Variants in MFN1 observed in about 807,000 individuals in gnomAD.
The protein encoded by MFN1 is mitofusin-1.
In MFN1, 65 loss-of-function variants were observed where a neutral mutation model predicts 92.4. The observed-to-expected ratio is 0.70, with a 90% CI of 0.58 to 0.86. MFN1 has a LOEUF of 0.86. Among genes scored for constraint, MFN1 ranks in the 40% least tolerant of loss-of-function variants. MFN1 has a pLI of 0.00. For missense variants in MFN1, 781 were observed against 868.0 expected (o/e 0.90, Z 1.26); for synonymous variants, 297 against 300.9 (o/e 0.99, Z 0.13).
chr3:179,366,456 TATAA>T (rs1712799350), intron 7 of MFN1, among the ~76,000 whole-genome samples: 1 of 152,084 alleles, frequency 6.6e-6, no homozygotes, highest in Non-Finnish European at 1.5e-5. Flanking sequence ...GAATTTGAAC[TATAA>T]ATAATATTTA....
chr3:179,390,409 T>C (rs530803317), intron 17 of MFN1, among the ~76,000 whole-genome samples: 1 of 152,276 alleles, frequency 6.6e-6, no homozygotes, highest in Non-Finnish European at 1.5e-5. Flanking sequence ...TAGATCGAAA[T>C]TTACTCTTCA....
Position 179,392,224 on chromosome 3 carries a change from T to G in MFN1, c.*165T>G. The G allele has an allele frequency of 2.0e-6, 1 of 490,514 alleles. No individual in the cohort carries two copies. The highest frequency in any genetic ancestry group is 3.7e-6 in the Non-Finnish European group (1 of 272,332). 30.4% of individuals were successfully genotyped at this position (490,514 alleles called of 1,614,324 possible). A position where few individuals can be genotyped will look rare whatever the true frequency, so the allele number is the denominator to read the frequency against. On this transcript the variant is annotated 3_prime_UTR_variant, in exon 18 of 18. Transcript: ENST00000471841. ...AATGATCTGTCTCAGGGTATGTGTA[T>G]TTTTGAAGAGTGTTATGTCCTTAGT... is the stretch of plus-strand genomic sequence containing the variant.
chr3:179,353,054 A>ATT lies in MFN1; in HGVS notation c.248+1019_248+1020insTT, dbSNP rs1209044534. Among the ~76,000 whole-genome samples the ATT allele has an allele frequency of 4.7e-4, 58 of 124,372 alleles. 3 individuals are homozygous for ATT. The highest frequency in any genetic ancestry group is 1.5e-3 in the African/African-American group (50 of 33,918). The allele number at this position is 124,372 out of a possible 152,430, so 81.6% of individuals were successfully genotyped here. ...GGCGTGAGCCACCGCATCCAGCCTAAATTTTTTTTTTTTTTTTTGAGACAG... is the reference window on the plus strand; with the variant it reads ...GGCGTGAGCCACCGCATCCAGCCTAATTATTTTTTTTTTTTTTTTTGAGACAG... On this transcript the variant is annotated intron_variant, in intron 3 of 17. Coordinates refer to ENST00000471841, the MANE Select transcript of MFN1 (RefSeq NM_033540.3).
At position 179,392,028 on chromosome 3, in the gene MFN1, A is replaced by G; in HGVS notation, c.2195A>G (p.Gln732Arg). The change falls in exon 18 of 18, where the codon CAG becomes CGG. Residue 732 changes from glutamine to arginine, a missense_variant. By Grantham distance (43) the Gln-to-Arg change is conservative. Transcript: ENST00000471841. ...LENELENFTK[Q>R]FLPSSNEES ...AATGAGCTGGAGAATTTTACTAAGC[A>G]GTTTCTACCTTCAAGCAATGAAGAA... The G allele has an allele frequency of 3.7e-6, 6 of 1,611,802 alleles. No individual in the cohort carries two copies. The highest frequency in any genetic ancestry group is 5.1e-6 in the Non-Finnish European group (6 of 1,178,314).
intron 14 of MFN1, among the ~76,000 whole-genome samples, chr3:179,379,507 C>T (rs1182618315): frequency 1.1e-4 from 17 of 152,098 alleles, no homozygotes; most frequent in Admixed American, 1.0e-3. Flanking sequence ...GCACCCACCA[C>T]CACACCCAGC....
At chr3:179,380,063 G>A (rs1350069525) in intron 14 of MFN1, among the ~76,000 whole-genome samples, 7 of 152,128 alleles carry the variant, frequency 4.6e-5, no homozygotes, top group Non-Finnish European at 7.4e-5. Context: ...ACTGAAAATC[G>A]AAGGGAACTG....
chr3:179,352,123 C>A (rs1712173636), intron 3 of MFN1, 88 bp downstream of exon 3: 1 of 1,360,828 alleles, frequency 7.3e-7, no homozygotes, highest in East Asian at 2.4e-5. Flanking sequence ...TCCCATCCTC[C>A]CCCAGCCCCG....
intron 1 of MFN1, chr3:179,348,136 C>A (rs1711989938): frequency 6.6e-6 from 1 of 152,144 alleles, no homozygotes; most frequent in South Asian, 2.1e-4. Flanking sequence ...GTGTTCACAC[C>A]GGCCGGACCG....
In MFN1 at chr3:179,365,198, T is replaced by C; in HGVS notation, c.726T>C (p.Ser242=). 1.3e-6 allele frequency: 2 copies of C among 1,551,002 alleles called. No individual in the cohort carries two copies. Among genetic ancestry groups the C allele is most frequent in the Non-Finnish European group, 1.7e-6 (2 of 1,157,756 alleles). The part of the protein sequence containing the change: ...IFILNNRWDA[S]ASEPEYMEDV... The stretch of plus-strand genomic sequence containing the variant: ...TTCTCAATAATCGTTGGGATGCCTC[T>C]GCATCAGAGCCAGAATATATGGAAG... Residue 242 remains serine, a synonymous_variant, in exon 7 of 18, where the codon TCT becomes TCC. Transcript: ENST00000471841.
At position 179,394,451 on chromosome 3, in the gene MFN1, T is replaced by A. The variant is rs1714023393; in HGVS notation, c.*2392T>A. On this transcript the variant is annotated 3_prime_UTR_variant, in exon 18 of 18. Transcript: ENST00000471841. ...TTTTTTTTGAGACGGAGTCTCGCTC[T>A]GTCGCCCAGGCTGGAGTGCAGTGGC... 1.5e-5 allele frequency: 2 copies of A among 132,818 alleles called. No individual in the cohort carries two copies. Among genetic ancestry groups the A allele is most frequent in the African/African-American group, 5.9e-5 (2 of 34,042 alleles). 8.2% of individuals were successfully genotyped at this position (132,818 alleles called of 1,614,324 possible).
At chr3:179,389,812 A>G (rs915281087) in intron 16 of MFN1, among the ~76,000 whole-genome samples, 192 bp from the exon 17 acceptor site, 2 of 152,112 alleles carry the variant, frequency 1.3e-5, no homozygotes, top group East Asian at 1.9e-4. Flanking sequence ...AGCAGAGGTA[A>G]TATCGTCTCT....
rs369505219 is a variant in MFN1 at position 179,392,098 on chromosome 3, G to A, written c.*39G>A. Reference sequence around the variant, plus strand: ...TTTGGTGACCATGATAGGAGGAAACGAAACTTGTAAGATTGGAACAGTTGT... The same window carrying A: ...TTTGGTGACCATGATAGGAGGAAACAAAACTTGTAAGATTGGAACAGTTGT... On this transcript the variant is annotated 3_prime_UTR_variant, in exon 18 of 18. Coordinates refer to ENST00000471841, the MANE Select transcript of MFN1 (RefSeq NM_033540.3). The A allele has an allele frequency of 2.1e-5, 27 of 1,304,026 alleles. No homozygotes were observed. Among genetic ancestry groups the A allele is most frequent in the Non-Finnish European group, 2.6e-5 (24 of 912,222 alleles). The allele number at this position is 1,304,026 out of a possible 1,614,324, so 80.8% of individuals were successfully genotyped here. A position where few individuals can be genotyped will look rare whatever the true frequency, so the allele number is the denominator to read the frequency against.
At chr3:179,379,535 G>T (rs150525216) in intron 14 of MFN1, among the ~76,000 whole-genome samples, 4,196 of 152,148 alleles carry the variant, frequency 0.028, 83 homozygotes, top group Non-Finnish European at 0.047. Context: ...TGTATTTTTA[G>T]TAGACATGGG....
chr3:179,376,642 T>C (rs755085569), intron 10 of MFN1, among the ~76,000 whole-genome samples: 21 of 152,140 alleles, frequency 1.4e-4, no homozygotes, highest in Non-Finnish European at 2.5e-4. Context: ...AGATAGATAA[T>C]AGGTAAATGA....
chr3:179,351,554 T>C (rs1712148679), intron 2 of MFN1, among the ~76,000 whole-genome samples: 1 of 152,174 alleles, frequency 6.6e-6, no homozygotes, highest in Non-Finnish European at 1.5e-5. Context: ...CCTTCTGAGC[T>C]CAAGATCTGA....
intron 14 of MFN1, among the ~76,000 whole-genome samples, chr3:179,381,839 A>G (rs1713479234): frequency 6.6e-6 from 1 of 152,224 alleles, no homozygotes; most frequent in Admixed American, 6.5e-5. Flanking sequence ...AGCTCATTAT[A>G]TCTATGAAAT....
At chr3:179,369,244 C>G (rs1712926222) in intron 9 of MFN1, among the ~76,000 whole-genome samples, 1 of 152,108 alleles carries the variant, frequency 6.6e-6, no homozygotes, top group Non-Finnish European at 1.5e-5. Flanking sequence ...TGGGATCTCC[C>G]TCTGTTATCC....
chr3:179,352,052 A>G lies in MFN1; in HGVS notation c.248+17A>G, dbSNP rs374723095. 12 of 1,575,014 alleles carry G rather than the reference A, an allele frequency of 7.6e-6. No homozygotes were observed. In the African/African-American group the frequency reaches 1.3e-4, roughly 18 times the overall value. Reference sequence around the variant, plus strand: ...TTTTGGCAGGTAATTATTTATTATTACTTCTAAGATTAGTTTCCAGGAATC... The same window carrying G: ...TTTTGGCAGGTAATTATTTATTATTGCTTCTAAGATTAGTTTCCAGGAATC... On this transcript the variant is annotated intron_variant, in intron 3 of 17. Transcript: ENST00000471841.
At chr3:179,371,822 T>C (rs1299757751) in intron 9 of MFN1, among the ~76,000 whole-genome samples, 1 of 151,982 alleles carries the variant, frequency 6.6e-6, no homozygotes, top group Non-Finnish European at 1.5e-5. Context: ...GTCTCAATGG[T>C]AAATATTCTG....
Sources: gnomAD v4.1 joint callset for allele counts (sites outside exome capture counted in the v4.1 genomes callset) on GRCh38, gnomAD v4.1.1 for gene constraint, MANE v1.5 for transcripts, NCBI Gene and HGNC (gene_info 2026-07-23, HGNC 2026-07-21) for gene names.